Variants in MLN observed in about 807,000 individuals in gnomAD.
The protein encoded by MLN is promotilin.
A neutral mutation model predicts 13.3 loss-of-function variants in MLN; 14 were observed. That is an observed-to-expected ratio of 1.05 (90% CI 0.69 to 1.64). The LOEUF (loss-of-function observed/expected upper bound fraction) is 1.64, where lower values mean the gene tolerates loss of function less well. Ranked by LOEUF, MLN falls within the 40% of genes most tolerant of loss-of-function variation. The pLI is 0.00. For missense variants in MLN, 122 were observed against 142.9 expected, an observed-to-expected ratio of 0.85 and a Z score of 0.75; for synonymous variants, 59 against 54.7, an observed-to-expected ratio of 1.08 and a Z score of -0.34.
In MLN at chr6:33,803,381, C is replaced by T. The variant is rs552126998; in HGVS notation, c.-8+572G>A. On this transcript the variant is annotated intron_variant, in intron 1 of 4. Coordinates refer to ENST00000430124, the MANE Select transcript of MLN (RefSeq NM_002418.3). This position sits in a 1 kb window ranked among gnomAD's most constrained non-coding sequence, Gnocchi z 4.5. ...AGAGTGCAGTGGCGCGATCTCGGCT[C>T]ACTGCAACCTCTGCCTCCCAGGTTC... Among the ~76,000 whole-genome samples the T allele has an allele frequency of 8.6e-5, 13 of 151,164 alleles. No individual in the cohort carries two copies. The East Asian group carries it at 2.1e-3, about 25-fold the overall frequency.
Position 33,803,554 on chromosome 6 carries a change from C to T in MLN, c.-8+399G>A, listed in dbSNP as rs182011589. On this transcript the variant is annotated intron_variant, in intron 1 of 4. Coordinates refer to ENST00000430124, the MANE Select transcript of MLN (RefSeq NM_002418.3). The surrounding 1 kb of genome is among the most constrained non-coding windows in gnomAD (Gnocchi z 4.5). ...AACTCCTGACCTTGTGATCCGCCCA[C>T]CTCAGTCTCCCAAAATGCTGGGATT... Among the ~76,000 whole-genome samples the T allele has an allele frequency of 5.6e-4, 85 of 152,298 alleles. 1 individual carries two copies. Among genetic ancestry groups the T allele is most frequent in the Admixed American group, 3.7e-3 (56 of 15,306 alleles).
At chr6:33,797,739 A>G (rs754877413) in intron 3 of MLN, among the ~76,000 whole-genome samples, 4 of 152,094 alleles carry the variant, frequency 2.6e-5, no homozygotes, top group Non-Finnish European at 4.4e-5. Flanking sequence ...CTTAGACTAT[A>G]GCAGCCTCCT....
In MLN at chr6:33,803,061, G is replaced by A. The variant is rs1760881725; in HGVS notation, c.-8+892C>T. On this transcript the variant is annotated intron_variant, in intron 1 of 4. Transcript: ENST00000430124. This position sits in a 1 kb window ranked among gnomAD's most constrained non-coding sequence, Gnocchi z 4.5. ...ATTTTCTTGATCCAACTGGCAGTCG[G>A]CATGTCACCTACGTTCATGTGTGTT... 6.6e-6 allele frequency among the ~76,000 whole-genome samples: 1 copy of A among 152,176 alleles called. No homozygotes were observed. Among genetic ancestry groups the A allele is most frequent in the Admixed American group, 6.5e-5 (1 of 15,284 alleles).
chr6:33,795,745 A>C, intron 3 of MLN, 140 bp from the exon 4 acceptor site: 1 of 674,052 alleles, frequency 1.5e-6, no homozygotes, highest in East Asian at 2.7e-5. Context: ...GATGGCTGGG[A>C]ATTCTGCCAC....
At chr6:33,796,858 A>G (rs1410657994) in intron 3 of MLN, among the ~76,000 whole-genome samples, 1 of 152,136 alleles carries the variant, frequency 6.6e-6, no homozygotes, top group East Asian at 1.9e-4. Flanking sequence ...GCCCCACCCA[A>G]GCCTCCCCAA....
rs760124773 is a variant in MLN at position 33,799,129 on chromosome 6, C to T, written c.210G>A (p.Arg70=). The change falls in exon 3 of 5, where the codon AGG becomes AGA. Residue 70 remains arginine (R), a synonymous_variant. Coordinates refer to ENST00000430124, the MANE Select transcript of MLN (RefSeq NM_002418.3). This position sits in a 1 kb window ranked among gnomAD's most constrained non-coding sequence, Gnocchi z 4.6. ...EGPVDPAEPI[R]EEENEMIKLT... ...CCTTGATCATTTCGTTTTCTTCTTC[C>T]CTGATGGGCTCCGCAGGGTCTACAG... 1.9e-6 allele frequency: 3 copies of T among 1,610,098 alleles called. No individual in the cohort carries two copies. The highest frequency in any genetic ancestry group is 1.1e-5 in the South Asian group (1 of 90,768).
chr6:33,798,501 G>A (rs1561934351), intron 3 of MLN, among the ~76,000 whole-genome samples: 1 of 152,232 alleles, frequency 6.6e-6, no homozygotes, highest in Non-Finnish European at 1.5e-5. Flanking sequence ...GGGAGGAATT[G>A]GCACCCTCGC....
At chr6:33,798,592 G>A (rs1316234088) in intron 3 of MLN, among the ~76,000 whole-genome samples, 3 of 152,182 alleles carry the variant, frequency 2.0e-5, no homozygotes, top group African/African-American at 4.8e-5. Context: ...AGAGGGCTCC[G>A]GTGGCTTCCC....
intron 2 of MLN, among the ~76,000 whole-genome samples, chr6:33,800,398 G>T (rs1768015111): frequency 6.6e-6 from 1 of 152,202 alleles, no homozygotes; most frequent in African/African-American, 2.4e-5. Context: ...CATGAGGCCT[G>T]CCTTTTTTTC....
intron 1 of MLN, among the ~76,000 whole-genome samples, chr6:33,801,645 G>A (rs138815064): frequency 0.016 from 2,495 of 152,314 alleles, 74 homozygotes; most frequent in African/African-American, 0.053. Flanking sequence ...GGCTCTGCCT[G>A]GAAGTGCCAG....
Position 33,799,307 on chromosome 6 carries a change from G to C in MLN, c.118-86C>G. ...TTGCCTGTCTCCATCTGCCCAGGGT[G>C]CTGTCTGCCCTGAGCTCCCTACAGA... On this transcript the variant is annotated intron_variant, in intron 2 of 4. Transcript: ENST00000430124. This position sits in a 1 kb window ranked among gnomAD's most constrained non-coding sequence, Gnocchi z 4.6. The C allele has an allele frequency of 1.1e-6, 1 of 944,580 alleles. No individual in the cohort carries two copies. Among genetic ancestry groups the C allele is most frequent in the Non-Finnish European group, 1.7e-6 (1 of 598,844 alleles). The allele number at this position is 944,580 out of a possible 1,614,324, so 58.5% of individuals were successfully genotyped here.
intron 2 of MLN, among the ~76,000 whole-genome samples, 179 bp downstream of exon 2, chr6:33,800,868 G>A (rs1279817121): frequency 6.6e-6 from 1 of 152,192 alleles, no homozygotes; most frequent in Non-Finnish European, 1.5e-5. Flanking sequence ...GAAAGATGTT[G>A]CTCATACGAG....
At chr6:33,796,480 TC>T (rs528100706) in intron 3 of MLN, among the ~76,000 whole-genome samples, 2 of 152,110 alleles carry the variant, frequency 1.3e-5, no homozygotes, top group East Asian at 1.9e-4. Flanking sequence ...GATCTCCCCG[TC>T]CCCGCTCCGC....
rs1582280698 is a variant in MLN at position 33,803,310 on chromosome 6, T to TTC, written c.-8+642_-8+643insGA. On this transcript the variant is annotated intron_variant, in intron 1 of 4. Coordinates refer to ENST00000430124, the MANE Select transcript of MLN (RefSeq NM_002418.3). The surrounding 1 kb of genome is among the most constrained non-coding windows in gnomAD (Gnocchi z 4.5). ...TTTCTTTTCCTTTTCTTTTCTTCTT[T>TTC]TTTTTTTTTTTTTCTGAGATGGAGT... 6.7e-6 allele frequency among the ~76,000 whole-genome samples: 1 copy of TTC among 148,432 alleles called. No individual in the cohort carries two copies. The highest frequency in any genetic ancestry group is 2.0e-4 in the East Asian group (1 of 5,110).
rs1279146190 is a variant in MLN at position 33,799,047 on chromosome 6, G to A, written c.234+58C>T. On this transcript the variant is annotated intron_variant, in intron 3 of 4. Coordinates refer to ENST00000430124, the MANE Select transcript of MLN (RefSeq NM_002418.3). This position sits in a 1 kb window ranked among gnomAD's most constrained non-coding sequence, Gnocchi z 4.6. ...CTTGTGGGCTCTGCCTCCAGGCCAG[G>A]CAGGGGAATGCATGCCCTGCTCTGA... is the stretch of plus-strand genomic sequence containing the variant. The A allele has an allele frequency of 8.0e-6, 10 of 1,252,720 alleles. No homozygotes were observed. The highest frequency in any genetic ancestry group is 1.2e-5 in the Non-Finnish European group (10 of 866,356). The allele number at this position is 1,252,720 out of a possible 1,614,324, so 77.6% of individuals were successfully genotyped here.
intron 3 of MLN, among the ~76,000 whole-genome samples, chr6:33,796,997 C>A (rs528989235): frequency 6.6e-6 from 1 of 152,348 alleles, no homozygotes; most frequent in South Asian, 2.1e-4. Flanking sequence ...TCCCTCCCAG[C>A]TCCCTCCTCA....
intron 3 of MLN, among the ~76,000 whole-genome samples, chr6:33,796,236 G>T (rs1002530103): frequency 2.0e-5 from 3 of 152,210 alleles, no homozygotes; most frequent in Admixed American, 6.5e-5. Flanking sequence ...GCTCTGTGGG[G>T]TAGGGATGGT....
chr6:33,799,130 C>T lies in MLN; in HGVS notation c.209G>A (p.Arg70Lys), dbSNP rs1407957410. Reference protein sequence around the residue: ...EGPVDPAEPIREEENEMIKLT... With the variant: ...EGPVDPAEPIKEEENEMIKLT... Reference sequence around the variant, plus strand: ...CTTGATCATTTCGTTTTCTTCTTCCCTGATGGGCTCCGCAGGGTCTACAGG... The same window carrying T: ...CTTGATCATTTCGTTTTCTTCTTCCTTGATGGGCTCCGCAGGGTCTACAGG... The change falls in exon 3 of 5, where the codon AGG (arginine) becomes AAG (lysine). Residue 70 changes from arginine to lysine, a missense_variant. Arg to Lys is a conservative substitution (Grantham distance 26). Transcript: ENST00000430124. The surrounding 1 kb of genome is among the most constrained non-coding windows in gnomAD (Gnocchi z 4.6). The T allele has an allele frequency of 1.2e-6, 2 of 1,610,464 alleles. No individual in the cohort carries two copies. The highest frequency in any genetic ancestry group is 1.7e-6 in the Non-Finnish European group (2 of 1,177,148).
At chr6:33,796,559 G>A (rs1019662009) in intron 3 of MLN, among the ~76,000 whole-genome samples, 14 of 151,538 alleles carry the variant, frequency 9.2e-5, no homozygotes, top group Non-Finnish European at 7.4e-5. Flanking sequence ...CTGGCCTCTC[G>A]GGAGAGTTGC....
Sources: gnomAD v4.1 joint callset for allele counts (sites outside exome capture counted in the v4.1 genomes callset) on GRCh38, gnomAD v4.1.1 for gene constraint, Gnocchi (gnomAD v3.1) non-coding constraint, MANE v1.5 for transcripts, NCBI Gene and HGNC (gene_info 2026-07-23, HGNC 2026-07-21) for gene names.